The following GOLGA1 variants were observed in gnomAD, a reference collection of about 807,000 sequenced individuals.
GOLGA1 encodes golgin A1.
Under a neutral mutation model 119.7 loss-of-function variants are expected in GOLGA1, and 63 were observed. The observed-to-expected ratio is 0.53, with a 90% confidence interval of 0.43 to 0.65. GOLGA1 has a LOEUF of 0.65. Ranked by LOEUF, GOLGA1 falls within the 30% of genes least tolerant of loss-of-function variation. The pLI, the probability that GOLGA1 is intolerant of heterozygous loss-of-function variation, is 0.00. For missense variants in GOLGA1, 798 were observed against 912.8 expected (o/e 0.87, Z 1.62); for synonymous variants, 318 against 333.4 (o/e 0.95, Z 0.50).
intron 11 of GOLGA1, 81 bp downstream of exon 11, chr9:124,911,820 C>G: frequency 7.8e-7 from 1 of 1,289,006 alleles, no homozygotes; most frequent in Non-Finnish European, 1.1e-6. Flanking sequence ...CCCTACAGCT[C>G]TGAAACTCTA....
At chr9:124,920,378 C>T (rs1003771171) in intron 10 of GOLGA1, among the ~76,000 whole-genome samples, 2 of 151,314 alleles carry the variant, frequency 1.3e-5, no homozygotes, top group Non-Finnish European at 2.9e-5. Context: ...GGACTACAGG[C>T]TTGAGTCACT....
At chr9:124,902,026 T>G (rs1174361629) in intron 12 of GOLGA1, among the ~76,000 whole-genome samples, 3 of 152,224 alleles carry the variant, frequency 2.0e-5, no homozygotes, top group Non-Finnish European at 2.9e-5. Flanking sequence ...AGATGGCAGT[T>G]TTACCAGATT....
rs541138949 is a variant in GOLGA1, at chr9:124,895,859, C to T, written c.1407+2690G>A. 6.6e-5 allele frequency among the ~76,000 whole-genome samples: 10 copies of T among 151,326 alleles called. No homozygotes were observed. In the South Asian group the frequency reaches 1.9e-3, roughly 29 times the overall value. On this transcript the variant is annotated intron_variant, in intron 15 of 22. Transcript: ENST00000373555. Reference sequence around the variant, plus strand: ...ACAGAGAACCCTCCACAACAGAGAACCCTCCACAACAGAGACCCACCCACA... The same window carrying T: ...ACAGAGAACCCTCCACAACAGAGAATCCTCCACAACAGAGACCCACCCACA...
At chr9:124,905,459 C>CAAATAAAT (rs1358548477) in intron 12 of GOLGA1, among the ~76,000 whole-genome samples, 4 of 151,766 alleles carry the variant, frequency 2.6e-5, no homozygotes, top group African/African-American at 9.7e-5. Flanking sequence ...GACTCTGCCT[C>CAAATAAAT]AAATAAATAA....
intron 10 of GOLGA1, among the ~76,000 whole-genome samples, chr9:124,915,497 G>A (rs143992861): frequency 1.1e-4 from 17 of 152,142 alleles, no homozygotes; most frequent in African/African-American, 3.6e-4. Flanking sequence ...CTTTCTAAGC[G>A]TTAACCACTT....
chr9:124,917,882 C>T (rs542458650), intron 10 of GOLGA1, among the ~76,000 whole-genome samples: 4 of 151,676 alleles, frequency 2.6e-5, no homozygotes, highest in Admixed American at 6.6e-5. Context: ...GACGGAGTTT[C>T]GCTCTTTTTG....
chr9:124,924,970 CT>C lies in GOLGA1; in HGVS notation c.432+1738del, dbSNP rs747225088. ...TGGCGGGTGCCTGTAGTCCCAGCTA[CT>C]TGGGAGGCTGAGGCAGGAGAATGGA... On this transcript the variant is annotated intron_variant, in intron 7 of 22. Coordinates refer to ENST00000373555, the MANE Select transcript of GOLGA1 (RefSeq NM_002077.4). Among the ~76,000 whole-genome samples the C allele has an allele frequency of 8.6e-5, 13 of 151,918 alleles. No homozygotes were observed. The South Asian group carries it at 1.0e-3, about 12-fold the overall frequency.
At chr9:124,925,877 T>G (rs1444557288) in intron 7 of GOLGA1, among the ~76,000 whole-genome samples, 3 of 152,192 alleles carry the variant, frequency 2.0e-5, no homozygotes, top group Non-Finnish European at 2.9e-5. Flanking sequence ...CTCGTTTATA[T>G]GTGGGAGCCA....
Position 124,880,446 on chromosome 9 carries a change from A to G in GOLGA1, c.*84T>C. 2 of 800,248 alleles carry G rather than the reference A, an allele frequency of 2.5e-6. No homozygotes were observed. The highest frequency in any genetic ancestry group is 4.5e-6 in the Non-Finnish European group (2 of 445,330). 49.6% of individuals were successfully genotyped at this position (800,248 alleles called of 1,614,324 possible). A position where few individuals can be genotyped will look rare whatever the true frequency, so the allele number is the denominator to read the frequency against. Reference sequence around the variant, plus strand: ...ACAAAATACTGCAGTTACAGTGATTAAAAACCCACCCAGACTGGTGTGTCA... The same window carrying G: ...ACAAAATACTGCAGTTACAGTGATTGAAAACCCACCCAGACTGGTGTGTCA... On this transcript the variant is annotated 3_prime_UTR_variant, in exon 23 of 23. Coordinates refer to ENST00000373555, the MANE Select transcript of GOLGA1 (RefSeq NM_002077.4).
intron 11 of GOLGA1, 146 bp from the exon 12 acceptor site, chr9:124,908,618 A>C (rs1170733184): frequency 1.6e-6 from 1 of 634,138 alleles, no homozygotes; most frequent in South Asian, 1.8e-5. Flanking sequence ...GAAATAATTC[A>C]CATATCATAA....
Position 124,904,991 on chromosome 9 carries a change from A to G in GOLGA1, c.1065+3386T>C, listed in dbSNP as rs1830194697. On this transcript the variant is annotated intron_variant, in intron 12 of 22. Transcript: ENST00000373555. ...AAAATAAATTAAAAAAATACAAAAA[A>G]AAAAATGAGCCGGGTGTGGTGGTAC... Among the ~76,000 whole-genome samples the G allele has an allele frequency of 2.0e-5, 3 of 150,358 alleles. No individual in the cohort carries two copies. The South Asian group carries it at 6.3e-4, about 31-fold the overall frequency.
intron 1 of GOLGA1, chr9:124,947,109 G>T (rs1831156765): frequency 6.6e-6 from 1 of 152,114 alleles, no homozygotes; most frequent in African/African-American, 2.4e-5. Context: ...TCAGTATGAG[G>T]CATAAAAATG....
upstream of GOLGA1, chr9:124,943,171 T>C (rs925440439): frequency 1.3e-5 from 2 of 152,230 alleles, no homozygotes; most frequent in Non-Finnish European, 2.9e-5. Context: ...ACAAGACTTT[T>C]ACAATACCAC....
intron 1 of GOLGA1, chr9:124,947,230 T>G (rs1225924446): frequency 6.6e-6 from 1 of 152,208 alleles, no homozygotes; most frequent in Non-Finnish European, 1.5e-5. Flanking sequence ...ATACATAATT[T>G]ACTACTCAGT....
At chr9:124,895,940 G>GA (rs1239700072) in intron 15 of GOLGA1, among the ~76,000 whole-genome samples, 3 of 147,978 alleles carry the variant, frequency 2.0e-5, no homozygotes, top group African/African-American at 7.4e-5. Flanking sequence ...CCACAACAGA[G>GA]ACCCTCTATA....
chr9:124,904,440 G>A (rs1357305614), intron 12 of GOLGA1, among the ~76,000 whole-genome samples: 1 of 152,146 alleles, frequency 6.6e-6, no homozygotes, highest in African/African-American at 2.4e-5. Flanking sequence ...AGTCTTTTCA[G>A]AAAAATATAG....
intron 15 of GOLGA1, among the ~76,000 whole-genome samples, chr9:124,891,604 TCAG>T (rs1350977853): frequency 6.6e-6 from 1 of 152,146 alleles, no homozygotes; most frequent in Non-Finnish European, 1.5e-5. Context: ...ACCTCAGGCT[TCAG>T]CAGTCCTCGC....
intron 3 of GOLGA1, among the ~76,000 whole-genome samples, chr9:124,932,909 C>T (rs1214191683): frequency 6.6e-6 from 1 of 152,094 alleles, no homozygotes; most frequent in Non-Finnish European, 1.5e-5. Flanking sequence ...CATGAGGGTT[C>T]CTCCCTCATG....
upstream of GOLGA1, among the ~76,000 whole-genome samples, chr9:124,941,336 G>T (rs1196329355): frequency 6.6e-6 from 1 of 152,252 alleles, no homozygotes; most frequent in East Asian, 1.9e-4. Flanking sequence ...TTTTAACAGG[G>T]GCGCGTGCAG....
Sources: gnomAD v4.1 joint callset for allele counts (sites outside exome capture counted in the v4.1 genomes callset) on GRCh38, gnomAD v4.1.1 for gene constraint, MANE v1.5 for transcripts, NCBI Gene and HGNC (gene_info 2026-07-23, HGNC 2026-07-21) for gene names.